RALGAPA2: variants seen among roughly 807,000 people sequenced by gnomAD.
The protein encoded by RALGAPA2 is Ral GTPase activating protein catalytic subunit alpha 2.
A neutral mutation model predicts 230.4 loss-of-function variants in RALGAPA2; 139 were observed. The ratio of observed to expected loss-of-function variants is 0.60; its 90% CI spans 0.53 to 0.69. The LOEUF (loss-of-function observed/expected upper bound fraction) is 0.69. Among genes scored for constraint, RALGAPA2 ranks in the 30% least tolerant of loss-of-function variants. RALGAPA2 has a pLI of 0.00. For missense variants in RALGAPA2, 2,163 were observed against 2,276.0 expected (o/e 0.95, Z 1.01); for synonymous variants, 847 against 837.8 (o/e 1.01, Z -0.19).
chr20:20,531,513 G>A (rs1031651816), intron 27 of RALGAPA2, among the ~76,000 whole-genome samples, 174 bp downstream of exon 27: 1 of 152,244 alleles, frequency 6.6e-6, no homozygotes, highest in African/African-American at 2.4e-5. Context: ...GGCTGCAGCT[G>A]CCAGCAGGGG....
At position 20,676,308 on chromosome 20, in the gene RALGAPA2, T is replaced by A. The variant is rs1260948798; in HGVS notation, c.218-20A>T. 1 of 1,509,610 alleles carries A rather than the reference T, an allele frequency of 6.6e-7. No homozygotes were observed. Among genetic ancestry groups the A allele is most frequent in the Non-Finnish European group, 9.1e-7 (1 of 1,094,008 alleles). 93.5% of individuals were successfully genotyped at this position (1,509,610 alleles called of 1,614,324 possible). A position where few individuals can be genotyped will look rare whatever the true frequency, so the allele number is the denominator to read the frequency against. ...TATTCCCTGGAATATTAAAAAATAA[T>A]TAGTTATCATGACATCATTTAAACT... is the stretch of plus-strand genomic sequence containing the variant. On this transcript the variant is annotated intron_variant, in intron 2 of 39. Transcript: ENST00000202677.
chr20:20,515,237 A>T (rs2062832510), intron 31 of RALGAPA2, among the ~76,000 whole-genome samples: 1 of 152,244 alleles, frequency 6.6e-6, no homozygotes, highest in South Asian at 2.1e-4. Context: ...CTTGTAGGTC[A>T]AATCGCACAG....
Position 20,591,286 on chromosome 20 carries a change from A to G in RALGAPA2, c.2232T>C (p.Asn744=). The G allele has an allele frequency of 6.2e-7, 1 of 1,613,926 alleles. No homozygotes were observed. The highest frequency in any genetic ancestry group is 8.5e-7 in the Non-Finnish European group (1 of 1,179,828). ...TEVEECQQSE[N]APAAGSGHLT... ...GATGGCCAGATCCGGCTGCAGGTGCATTTTCTGACTGTTGACACTCCTCCA... is the reference window on the plus strand; with the variant it reads ...GATGGCCAGATCCGGCTGCAGGTGCGTTTTCTGACTGTTGACACTCCTCCA... Residue 744 remains asparagine (N), a synonymous_variant, in exon 17 of 40, where the codon AAT becomes AAC. Coordinates refer to ENST00000202677, the MANE Select transcript of RALGAPA2 (RefSeq NM_020343.4).
chr20:20,620,278 A>G (rs1453343078), intron 11 of RALGAPA2, among the ~76,000 whole-genome samples, 185 bp downstream of exon 11: 3 of 152,208 alleles, frequency 2.0e-5, no homozygotes, highest in African/African-American at 7.2e-5. Flanking sequence ...CTGCCAATCT[A>G]GAATGGGAGT....
intron 1 of RALGAPA2, among the ~76,000 whole-genome samples, chr20:20,700,025 C>G (rs1325017603): frequency 6.6e-6 from 1 of 152,034 alleles, no homozygotes; most frequent in Non-Finnish European, 1.5e-5. Context: ...CATTGCCATG[C>G]GATTCACAAC....
In RALGAPA2 at chr20:20,503,608, TTA is replaced by T. The variant is rs1383646594; in HGVS notation, c.5053-104_5053-103del. 3 of 985,522 alleles carry T rather than the reference TTA, an allele frequency of 3.0e-6. No homozygotes were observed. In the African/African-American group the frequency reaches 5.1e-5, roughly 17 times the overall value. The allele number at this position is 985,522 out of a possible 1,614,324, so 61.0% of individuals were successfully genotyped here. ...GAAAAAAAATAAATTATTTTCGTTT[TTA>T]TATCTTTCTTTCTGATTACAAACAA... On this transcript the variant is annotated intron_variant, in intron 34 of 39. Coordinates refer to ENST00000202677, the MANE Select transcript of RALGAPA2 (RefSeq NM_020343.4).
intron 37 of RALGAPA2, among the ~76,000 whole-genome samples, chr20:20,458,378 A>C (rs2061173328): frequency 6.8e-6 from 1 of 146,948 alleles, no homozygotes; most frequent in East Asian, 2.0e-4. Flanking sequence ...CTGTTTGTCC[A>C]AAAAAAATAC....
rs1408323747 is a variant in RALGAPA2 at position 20,392,729 on chromosome 20, A to G, written c.*560T>C. On this transcript the variant is annotated 3_prime_UTR_variant, in exon 40 of 40. Coordinates refer to ENST00000202677, the MANE Select transcript of RALGAPA2 (RefSeq NM_020343.4). Reference sequence around the variant, plus strand: ...CCATGATGATGAAATTTTTGAGTAAACCATAAATCCTAACATAAAAGGAAC... The same window carrying G: ...CCATGATGATGAAATTTTTGAGTAAGCCATAAATCCTAACATAAAAGGAAC... The G allele has an allele frequency of 6.3e-6, 1 of 157,890 alleles. No homozygotes were observed. Among genetic ancestry groups the G allele is most frequent in the Non-Finnish European group, 1.4e-5 (1 of 71,254 alleles). 9.8% of individuals were successfully genotyped at this position (157,890 alleles called of 1,614,324 possible). A position where few individuals can be genotyped will look rare whatever the true frequency, so the allele number is the denominator to read the frequency against.
chr20:20,509,218 T>C (rs1278665271), intron 33 of RALGAPA2, among the ~76,000 whole-genome samples: 1 of 152,128 alleles, frequency 6.6e-6, no homozygotes, highest in East Asian at 1.9e-4. Flanking sequence ...AGAAAAGGAA[T>C]CACAAGAAGA....
intron 19 of RALGAPA2, 81 bp downstream of exon 19, chr20:20,584,784 T>C: frequency 1.8e-6 from 2 of 1,098,508 alleles, no homozygotes; most frequent in Non-Finnish European, 2.6e-6. Context: ...GAGTCTCTAA[T>C]AATAATAATA....
At chr20:20,589,769 G>A (rs59211668) in intron 17 of RALGAPA2, among the ~76,000 whole-genome samples, 3,709 of 151,140 alleles carry the variant, frequency 0.025, 110 homozygotes, top group East Asian at 0.15. Flanking sequence ...AAAGATTGAC[G>A]AAAGCACAAA....
chr20:20,523,218 C>G (rs1198398301), intron 30 of RALGAPA2, among the ~76,000 whole-genome samples: 2 of 152,110 alleles, frequency 1.3e-5, no homozygotes, highest in Non-Finnish European at 2.9e-5. Context: ...TTGAGAGACA[C>G]TGTTAAGACA....
intron 37 of RALGAPA2, among the ~76,000 whole-genome samples, chr20:20,443,020 A>T (rs1235778143): frequency 2.0e-5 from 3 of 152,270 alleles, no homozygotes. Context: ...GGACCATGAT[A>T]CTTAACCACT....
At chr20:20,408,415 GA>G (rs1178198970) in intron 38 of RALGAPA2, among the ~76,000 whole-genome samples, 1 of 152,104 alleles carries the variant, frequency 6.6e-6, no homozygotes, top group Non-Finnish European at 1.5e-5. Flanking sequence ...AGGCAGTTCT[GA>G]AAAAAATCTC....
At chr20:20,464,965 T>G (rs1490821241) in intron 37 of RALGAPA2, among the ~76,000 whole-genome samples, 1 of 152,162 alleles carries the variant, frequency 6.6e-6, no homozygotes, top group African/African-American at 2.4e-5. Context: ...AGAGTTAATG[T>G]ATATTTATAT....
chr20:20,415,734 A>AT (rs1289970385), intron 37 of RALGAPA2, among the ~76,000 whole-genome samples: 1 of 152,192 alleles, frequency 6.6e-6, no homozygotes, highest in Non-Finnish European at 1.5e-5. Flanking sequence ...AATAAAAAAT[A>AT]AAAAAATGGA....
In RALGAPA2 at chr20:20,398,156, G is replaced by A. The variant is rs958903388; in HGVS notation, c.5618-1422C>T. Among the ~76,000 whole-genome samples, 8 of 152,164 alleles carry A rather than the reference G, an allele frequency of 5.3e-5. No homozygotes were observed. The highest frequency in any genetic ancestry group is 1.7e-4 in the African/African-American group (7 of 41,430). ...GGTCTTCCTTGAGTTGAGGAAGTTCGGCTTTTAGAGCACCATGCCACTGAC... is the reference window on the plus strand; with the variant it reads ...GGTCTTCCTTGAGTTGAGGAAGTTCAGCTTTTAGAGCACCATGCCACTGAC... On this transcript the variant is annotated intron_variant, in intron 38 of 39. Transcript: ENST00000202677. The surrounding 1 kb of genome is among the most constrained non-coding windows in gnomAD (Gnocchi z 4.5).
intron 3 of RALGAPA2, 33 bp from the exon 4 acceptor site, chr20:20,653,620 C>G: frequency 7.9e-7 from 1 of 1,271,008 alleles, no homozygotes; most frequent in Non-Finnish European, 1.1e-6. Flanking sequence ...AAATAAACAA[C>G]AAATGAAATT....
intron 35 of RALGAPA2, among the ~76,000 whole-genome samples, chr20:20,501,825 AG>A (rs1480205026): frequency 2.6e-5 from 4 of 152,124 alleles, no homozygotes; most frequent in Admixed American, 2.6e-4. Flanking sequence ...GAGGCCATCA[AG>A]GGGTTATTAA....
Sources: allele counts gnomAD v4.1 joint callset (sites outside exome capture counted in the v4.1 genomes callset), GRCh38; gene constraint gnomAD v4.1.1; non-coding constraint Gnocchi (gnomAD v3.1); transcripts MANE v1.5; gene names NCBI Gene and HGNC (gene_info 2026-07-23, HGNC 2026-07-21).